FOXN3: variants seen among roughly 807,000 people sequenced by gnomAD.
FOXN3 encodes the protein forkhead box N3, also known as forkhead box protein N3.
In FOXN3, 7 loss-of-function variants were observed where a neutral mutation model predicts 38.4. That is an observed-to-expected ratio of 0.18 (90% confidence interval 0.10 to 0.34). The LOEUF (loss-of-function observed/expected upper bound fraction) is 0.34, where lower values mean the gene tolerates loss of function less well. Ranked by LOEUF, FOXN3 falls within the 10% of genes least tolerant of loss-of-function variation. The probability of loss-of-function intolerance (pLI) is 1.00; values close to 1 mark genes in which losing one functional copy is unlikely to be tolerated. For synonymous variants in FOXN3, 230 were observed against 242.2 expected, an observed-to-expected ratio of 0.95 and a Z score of 0.47; for missense variants, 456 against 613.4, an observed-to-expected ratio of 0.74 and a Z score of 2.71.
intron 4 of FOXN3, among the ~76,000 whole-genome samples, chr14:89,280,448 C>T (rs2139916584): frequency 6.6e-6 from 1 of 152,216 alleles, no homozygotes; most frequent in African/African-American, 2.4e-5. Context: ...GGTGACTGGA[C>T]TCCGAACCTC....
intron 3 of FOXN3, among the ~76,000 whole-genome samples, chr14:89,347,282 A>T (rs1048835083): frequency 2.0e-5 from 3 of 152,222 alleles, no homozygotes; most frequent in Non-Finnish European, 1.5e-5. Flanking sequence ...CAAGAAGGGA[A>T]AATTTGGACA....
At chr14:89,249,942 C>G (rs147189381) in intron 4 of FOXN3, among the ~76,000 whole-genome samples, 79 of 152,280 alleles carry the variant, frequency 5.2e-4, no homozygotes, top group Middle Eastern at 3.4e-3. Context: ...CTTTTTTGGA[C>G]ACAGCCATAT....
At chr14:89,506,451 T>C (rs1239744052) in intron 1 of FOXN3, among the ~76,000 whole-genome samples, 1 of 126,820 alleles carries the variant, frequency 7.9e-6, no homozygotes, top group African/African-American at 3.1e-5. Flanking sequence ...GGGAGGGAGG[T>C]TGGGGGGGTC....
chr14:89,492,559 T>A (rs1043088833), intron 1 of FOXN3, among the ~76,000 whole-genome samples: 12 of 152,114 alleles, frequency 7.9e-5, no homozygotes, highest in East Asian at 3.9e-4. Flanking sequence ...TATAGTGAGG[T>A]CTTTTAGTTG....
intron 4 of FOXN3, among the ~76,000 whole-genome samples, chr14:89,276,948 T>A (rs1440963366): frequency 6.6e-6 from 1 of 152,064 alleles, no homozygotes; most frequent in Non-Finnish European, 1.5e-5. Flanking sequence ...CCTATGTCAT[T>A]TTGGGATGAA....
chr14:89,213,435 A>G (rs977824037), intron 4 of FOXN3, among the ~76,000 whole-genome samples: 1 of 152,108 alleles, frequency 6.6e-6, no homozygotes, highest in African/African-American at 2.4e-5. Context: ...GCTGCTAGGA[A>G]ACTCGAAGAT....
intron 1 of FOXN3, among the ~76,000 whole-genome samples, chr14:89,464,340 C>T (rs1892925345): frequency 6.6e-6 from 1 of 152,140 alleles, no homozygotes; most frequent in Non-Finnish European, 1.5e-5. Context: ...AGATAGCCTT[C>T]CCCTGATTCA....
intron 3 of FOXN3, among the ~76,000 whole-genome samples, chr14:89,331,284 ATATAAGTGGAATCATATGATATT>A (rs1159832324): frequency 5.3e-5 from 8 of 152,198 alleles, no homozygotes; most frequent in Middle Eastern, 6.4e-3. Flanking sequence ...GGAAAACTTC[ATATAAGTGGAATCATATGATATT>A]TGTCCTTTTG....
chr14:89,176,203 A>G (rs986431749), intron 5 of FOXN3, among the ~76,000 whole-genome samples: 6 of 152,256 alleles, frequency 3.9e-5, no homozygotes, highest in Non-Finnish European at 8.8e-5. Flanking sequence ...CACTATTGAC[A>G]GATACTCTTA....
At chr14:89,193,662 C>T (rs1888023608) in intron 4 of FOXN3, among the ~76,000 whole-genome samples, 1 of 152,136 alleles carries the variant, frequency 6.6e-6, no homozygotes, top group Admixed American at 6.5e-5. Flanking sequence ...GGATTGTTTC[C>T]AGTTTGGGAT....
rs1887162631 is a variant in FOXN3, at chr14:89,299,853, T to C, written c.681-18839A>G. On this transcript the variant is annotated intron_variant, in intron 3 of 5. Transcript: ENST00000557258. Reference sequence around the variant, plus strand: ...GACAATGTTAGTATGGCCAGGGTGCTTGATCCAAAGACAGTGGCAAAAGCT... The same window carrying C: ...GACAATGTTAGTATGGCCAGGGTGCCTGATCCAAAGACAGTGGCAAAAGCT... Among the ~76,000 whole-genome samples, 4 of 152,336 alleles carry C rather than the reference T, an allele frequency of 2.6e-5. 1 individual carries two copies. The South Asian group carries it at 6.2e-4, about 24-fold the overall frequency.
intron 1 of FOXN3, among the ~76,000 whole-genome samples, chr14:89,498,983 C>T (rs1192718190): frequency 6.6e-6 from 1 of 152,188 alleles, no homozygotes; most frequent in African/African-American, 2.4e-5. Context: ...AGATATTTTT[C>T]ACAGCTTGCC....
At chr14:89,346,728 G>A (rs557369672) in intron 3 of FOXN3, among the ~76,000 whole-genome samples, 28 of 152,258 alleles carry the variant, frequency 1.8e-4, no homozygotes, top group African/African-American at 6.7e-4. Context: ...GTCATTAAGT[G>A]CAGCCATTCC....
chr14:89,333,389 G>T (rs1888313827), intron 3 of FOXN3: 2 of 151,488 alleles, frequency 1.3e-5, no homozygotes, highest in Non-Finnish European at 2.9e-5. Flanking sequence ...CTGCACTCCA[G>T]CCTGGGTGAG....
At chr14:89,336,917 C>G (rs896722959) in intron 3 of FOXN3, among the ~76,000 whole-genome samples, 6 of 152,152 alleles carry the variant, frequency 3.9e-5, no homozygotes, top group African/African-American at 1.4e-4. Context: ...GATGATGGAA[C>G]ATGCCACATC....
At chr14:89,417,631 A>C, upstream of FOXN3, 1 of 453,230 alleles carries the variant, frequency 2.2e-6, no homozygotes, top group Non-Finnish European at 4.4e-6. Context: ...CTCCTACCCC[A>C]TCTGCATGCC....
chr14:89,619,087 T>TG (rs1896548221), exon 1 of FOXN3: 1 of 152,184 alleles, frequency 6.6e-6, no homozygotes, highest in Admixed American at 6.6e-5. Context: ...GCGGCGACGC[T>TG]GGACTCGCGG....
chr14:89,280,366 C>T (rs1029804096), intron 4 of FOXN3, among the ~76,000 whole-genome samples: 1 of 152,124 alleles, frequency 6.6e-6, no homozygotes, highest in Admixed American at 6.5e-5. Flanking sequence ...GGGACTAGGA[C>T]AAGGCAGCTG....
chr14:89,313,782 C>G (rs972432209), intron 3 of FOXN3, among the ~76,000 whole-genome samples: 3 of 152,154 alleles, frequency 2.0e-5, no homozygotes, highest in African/African-American at 4.8e-5. Flanking sequence ...TACATACATA[C>G]AAGAGAGTAT....
Sources: gnomAD v4.1 joint callset for allele counts (sites outside exome capture counted in the v4.1 genomes callset) on GRCh38, gnomAD v4.1.1 for gene constraint, MANE v1.5 for transcripts, NCBI Gene and HGNC (gene_info 2026-07-23, HGNC 2026-07-21) for gene names.